The following AP3B1 variants were observed in gnomAD, a reference collection of about 807,000 sequenced individuals.
The protein encoded by AP3B1 is adaptor related protein complex 3 subunit beta 1, also known as AP-3 complex subunit beta-1.
A neutral mutation model predicts 132.5 loss-of-function variants in AP3B1; 61 were observed. That is an observed-to-expected ratio of 0.46 (90% confidence interval 0.37 to 0.57). The LOEUF (loss-of-function observed/expected upper bound fraction) is 0.57, where lower values mean the gene tolerates loss of function less well. Among genes scored for constraint, AP3B1 ranks in the 20% least tolerant of loss-of-function variants. The pLI, the probability that AP3B1 is intolerant of heterozygous loss-of-function variation, is 0.00. For synonymous variants in AP3B1, 388 were observed against 438.3 expected (o/e 0.89, Z 1.43); for missense variants, 1,120 against 1,289.4 (o/e 0.87, Z 2.01).
rs1314371465 is a variant in AP3B1 at position 78,045,507 on chromosome 5, G to A, written c.2578-6233C>T. On this transcript the variant is annotated intron_variant, in intron 22 of 26. Coordinates refer to ENST00000255194, the MANE Select transcript of AP3B1 (RefSeq NM_003664.5). ...CAGCATCTAGATAAAATACATAGGT[G>A]ATATTTTGTTCAATAAACCGAGTGG... 3.3e-5 allele frequency among the ~76,000 whole-genome samples: 5 copies of A among 151,820 alleles called. No individual in the cohort carries two copies. The East Asian group carries it at 9.6e-4, about 29-fold the overall frequency.
At chr5:78,000,861 AC>A (rs1313321773), downstream of AP3B1, 1 of 152,216 alleles carries the variant, frequency 6.6e-6, no homozygotes, top group African/African-American at 2.4e-5. Flanking sequence ...AAGAAAAAAA[AC>A]CAAACCTTTA....
rs759015208 is a variant in AP3B1, at chr5:78,181,501, A to G, written c.942+6T>C. On this transcript the variant is annotated splice_donor_region_variant and intron_variant, in intron 8 of 26. Coordinates refer to ENST00000255194, the MANE Select transcript of AP3B1 (RefSeq NM_003664.5). ...TGAATTATTTCTTATAAGGATTTTA[A>G]CATACCGCAGCATTCCTGCTCTGAA... 60 of 1,611,626 alleles carry G rather than the reference A, an allele frequency of 3.7e-5. No individual in the cohort carries two copies. The highest frequency in any genetic ancestry group is 6.7e-5 in the Admixed American group (4 of 59,956).
intron 17 of AP3B1, among the ~76,000 whole-genome samples, chr5:78,118,951 G>A (rs1024158812): frequency 2.6e-5 from 4 of 152,132 alleles, no homozygotes; most frequent in Admixed American, 6.5e-5. Flanking sequence ...CACCTCACAC[G>A]GCCGGGTACT....
chr5:78,125,651 T>G (rs1752425447), intron 17 of AP3B1, among the ~76,000 whole-genome samples: 1 of 152,206 alleles, frequency 6.6e-6, no homozygotes, highest in African/African-American at 2.4e-5. Flanking sequence ...TCCAATAGAC[T>G]GAAGCTGTTT....
At chr5:78,292,541 T>A (rs1035599762) in intron 1 of AP3B1, among the ~76,000 whole-genome samples, 1 of 152,218 alleles carries the variant, frequency 6.6e-6, no homozygotes, top group African/African-American at 2.4e-5. Flanking sequence ...TGTTCTACCT[T>A]TGTGGCCTTT....
At chr5:78,224,061 GC>G (rs1746301204) in intron 6 of AP3B1, among the ~76,000 whole-genome samples, 1 of 151,998 alleles carries the variant, frequency 6.6e-6, no homozygotes, top group Non-Finnish European at 1.5e-5. Context: ...TAATAGAAAA[GC>G]ACTAAGTATT....
intron 7 of AP3B1, among the ~76,000 whole-genome samples, chr5:78,211,526 G>A (rs948788033): frequency 1.3e-5 from 2 of 152,128 alleles, no homozygotes; most frequent in Non-Finnish European, 2.9e-5. Context: ...ATGTACATCA[G>A]CTCATCTCAA....
At chr5:78,141,970 G>A (rs903110261) in intron 14 of AP3B1, among the ~76,000 whole-genome samples, 8 of 152,126 alleles carry the variant, frequency 5.3e-5, no homozygotes, top group African/African-American at 1.9e-4. Flanking sequence ...AAAAGAAACA[G>A]ATCAATTAGG....
At chr5:78,041,248 T>C (rs1453216582) in intron 22 of AP3B1, among the ~76,000 whole-genome samples, 2 of 147,854 alleles carry the variant, frequency 1.4e-5, no homozygotes, top group Non-Finnish European at 3.0e-5. Flanking sequence ...CACTCCAGCC[T>C]GGGCAACAAG....
chr5:78,173,075 G>C (rs554650385), intron 11 of AP3B1, among the ~76,000 whole-genome samples: 56 of 152,362 alleles, frequency 3.7e-4, no homozygotes. Flanking sequence ...GCAGTTTTGA[G>C]TGAGTTTCTT....
At chr5:78,189,786 C>T (rs984528267) in intron 7 of AP3B1, among the ~76,000 whole-genome samples, 2 of 151,996 alleles carry the variant, frequency 1.3e-5, no homozygotes, top group South Asian at 2.1e-4. Context: ...AGGAGAATCG[C>T]TTGAACCTGG....
At chr5:78,082,336 T>C (rs1462805540) in intron 22 of AP3B1, among the ~76,000 whole-genome samples, 1 of 152,216 alleles carries the variant, frequency 6.6e-6, no homozygotes, top group African/African-American at 2.4e-5. Context: ...ATTCCACTTG[T>C]TCCACGGCCA....
At chr5:78,144,473 G>A (rs1182555625) in intron 14 of AP3B1, among the ~76,000 whole-genome samples, 1 of 152,146 alleles carries the variant, frequency 6.6e-6, no homozygotes, top group Non-Finnish European at 1.5e-5. Flanking sequence ...ACAGTCCAAA[G>A]TAAACCCTAC....
chr5:78,105,987 T>C (rs1390248256), intron 20 of AP3B1, among the ~76,000 whole-genome samples: 2 of 152,218 alleles, frequency 1.3e-5, no homozygotes, highest in Non-Finnish European at 2.9e-5. Flanking sequence ...GTAACATTTT[T>C]CATTCCCTGC....
intron 8 of AP3B1, among the ~76,000 whole-genome samples, chr5:78,178,837 T>C (rs890173324): frequency 3.3e-5 from 5 of 152,134 alleles, no homozygotes; most frequent in Admixed American, 6.5e-5. Flanking sequence ...GCAAAAATTC[T>C]ATTAATATAT....
chr5:78,243,273 CCATTCATT>C (rs148044734), intron 2 of AP3B1, among the ~76,000 whole-genome samples: 65 of 151,818 alleles, frequency 4.3e-4, no homozygotes, highest in Admixed American at 1.2e-3. Context: ...AGGACCCCTG[CCATTCATT>C]CATTCATTCA....
chr5:78,043,822 G>A, intron 22 of AP3B1: 1 of 368,786 alleles, frequency 2.7e-6, no homozygotes, highest in Non-Finnish European at 5.3e-6. Flanking sequence ...AAATCCTTTA[G>A]TACCAGGGAA....
At chr5:78,034,488 GA>G in intron 23 of AP3B1, 43 bp from the exon 24 acceptor site, 2 of 1,437,094 alleles carry the variant, frequency 1.4e-6, no homozygotes, top group Non-Finnish European at 2.0e-6. Flanking sequence ...CAGAGGATGT[GA>G]AAAAGAGGCA....
chr5:78,227,506 G>A lies in AP3B1; in HGVS notation c.402C>T (p.Ser134=), dbSNP rs144761256. ...LKDPNQLIRA[S]ALRVLSSIRV... ...TAATACTTGACAGAACTCTCAAAGC[G>A]CTTGCACGAATTAGTTGGTTTGGGT... is the stretch of plus-strand genomic sequence containing the variant. Residue 134 remains serine, a synonymous_variant, in exon 5 of 27, where the codon AGC becomes AGT. Transcript: ENST00000255194. 1.1e-4 allele frequency: 178 copies of A among 1,613,622 alleles called. 2 individuals carry two copies. In the Admixed American group the frequency reaches 1.9e-3, roughly 17 times the overall value.
Sources: allele counts gnomAD v4.1 joint callset (sites outside exome capture counted in the v4.1 genomes callset), GRCh38; gene constraint gnomAD v4.1.1; transcripts MANE v1.5; gene names NCBI Gene and HGNC (gene_info 2026-07-23, HGNC 2026-07-21).